ICE1: variants seen among roughly 807,000 people sequenced by gnomAD.
The protein encoded by ICE1 is little elongation complex subunit 1.
In ICE1, 64 loss-of-function variants were observed where a neutral mutation model predicts 192.7. The ratio of observed to expected loss-of-function variants is 0.33; its 90% CI spans 0.27 to 0.41. ICE1 has a LOEUF of 0.41. ICE1 is among the 10% of genes least tolerant of loss of function. ICE1 has a pLI of 1.00. For synonymous variants in ICE1, 1,010 were observed against 984.5 expected (o/e 1.03, Z -0.49); for missense variants, 2,708 against 2,696.0 (o/e 1.00, Z -0.10).
chr5:5,434,267 G>T (rs935992242), intron 1 of ICE1, among the ~76,000 whole-genome samples: 4 of 152,054 alleles, frequency 2.6e-5, no homozygotes, highest in African/African-American at 9.7e-5. Flanking sequence ...TTAAGACAAA[G>T]ACACCTGTTA....
At chr5:5,451,675 T>G (rs1738421078) in intron 10 of ICE1, among the ~76,000 whole-genome samples, 1 of 152,160 alleles carries the variant, frequency 6.6e-6, no homozygotes, top group African/African-American at 2.4e-5. Flanking sequence ...AGGAAGAAAT[T>G]TTTAACAATA....
Position 5,460,624 on chromosome 5 carries a change from T to G in ICE1, c.1290T>G (p.Asn430Lys). The change falls in exon 13 of 19, where the codon AAT (asparagine) becomes AAG (lysine). Residue 430 changes from asparagine to lysine, a missense_variant. This residue lies in a region of ICE1 where 2,366 missense variants were observed against 2,276.6 expected (regional missense o/e 1.04). Coordinates refer to ENST00000296564, the MANE Select transcript of ICE1 (RefSeq NM_015325.3). Reference sequence around the variant, plus strand: ...CACATGAAGCTATCCAAGCTCTGAATACATGGGAAGTAAATAAAGTGACAA... The same window carrying G: ...CACATGAAGCTATCCAAGCTCTGAAGACATGGGAAGTAAATAAAGTGACAA... ...PKSHEAIQALNTWEVNKVTTS... is the reference protein window; with the variant it reads ...PKSHEAIQALKTWEVNKVTTS... The G allele has an allele frequency of 6.2e-7, 1 of 1,613,866 alleles. No individual in the cohort carries two copies. Among genetic ancestry groups the G allele is most frequent in the Non-Finnish European group, 8.5e-7 (1 of 1,179,844 alleles).
chr5:5,450,585 T>C (rs1384780316), intron 10 of ICE1, among the ~76,000 whole-genome samples: 2 of 152,152 alleles, frequency 1.3e-5, no homozygotes, highest in East Asian at 3.9e-4. Context: ...CACCAAGTGT[T>C]GAGCGTGATT....
At chr5:5,455,312 C>T (rs994319695) in intron 11 of ICE1, among the ~76,000 whole-genome samples, 7 of 152,076 alleles carry the variant, frequency 4.6e-5, no homozygotes, top group Non-Finnish European at 1.0e-4. Context: ...CAGAACTTGT[C>T]GAGTGTACGG....
At chr5:5,484,448 A>G (rs1428339504) in intron 17 of ICE1, among the ~76,000 whole-genome samples, 1 of 152,222 alleles carries the variant, frequency 6.6e-6, no homozygotes, top group Non-Finnish European at 1.5e-5. Context: ...ATTGTTCCAG[A>G]GGACAGATCC....
intron 1 of ICE1, 53 bp from the exon 2 acceptor site, chr5:5,436,365 A>T: frequency 9.7e-7 from 1 of 1,029,054 alleles, no homozygotes; most frequent in Non-Finnish European, 1.4e-6. Flanking sequence ...ACAGACAATA[A>T]TTATATTTAA....
Position 5,461,747 on chromosome 5 carries a change from C to CT in ICE1, c.2414dup (p.Arg806GlufsTer7). The CT allele has an allele frequency of 6.2e-7, 1 of 1,613,754 alleles. No individual in the cohort carries two copies. The highest frequency in any genetic ancestry group is 2.2e-5 in the East Asian group (1 of 44,878). On this transcript the variant is annotated frameshift_variant, in exon 13 of 19. Transcript: ENST00000296564. LOFTEE classifies it high-confidence loss of function. ...ATTAAGGAAAGGTGGCGAAGAAAGT[C>CT]TGAGAGCCAAATCAGAACATGAACA...
intron 17 of ICE1, among the ~76,000 whole-genome samples, chr5:5,479,556 CAG>C (rs891815601): frequency 1.4e-4 from 21 of 152,220 alleles, no homozygotes; most frequent in Middle Eastern, 3.4e-3. Context: ...GATCTAGAAA[CAG>C]AAATACCATT....
In ICE1 at chr5:5,480,488, T is replaced by C. The variant is rs2111403631; in HGVS notation, c.6520+4409T>C. 1.3e-5 allele frequency among the ~76,000 whole-genome samples: 2 copies of C among 152,202 alleles called. 1 individual carries two copies. Among genetic ancestry groups the C allele is most frequent in the Middle Eastern group, 6.8e-3 (2 of 294 alleles). On this transcript the variant is annotated intron_variant, in intron 17 of 18. Transcript: ENST00000296564. ...TGGTCTCGATCTCCTGACCTCGTGA[T>C]CCACCCACCTCGGCCTCCCAAAGTG...
Position 5,460,486 on chromosome 5 carries a change from G to C in ICE1, c.1152G>C (p.Gln384His). 1 of 1,611,274 alleles carries C rather than the reference G, an allele frequency of 6.2e-7. No homozygotes were observed. The highest frequency in any genetic ancestry group is 8.5e-7 in the Non-Finnish European group (1 of 1,178,444). Residue 384 changes from glutamine (Q) to histidine (H), a missense_variant, in exon 13 of 19, where the codon CAG becomes CAC. By Grantham distance (24) the Gln-to-His change is conservative. Coordinates refer to ENST00000296564, the MANE Select transcript of ICE1 (RefSeq NM_015325.3). ...YTDSSDNDSV[Q>H]LRNSAECVSE... Reference sequence around the variant, plus strand: ...ATTCCAGCGATAATGACTCAGTCCAGCTTAGAAATTCTGCTGAGTGTGTTT... The same window carrying C: ...ATTCCAGCGATAATGACTCAGTCCACCTTAGAAATTCTGCTGAGTGTGTTT...
intron 17 of ICE1, among the ~76,000 whole-genome samples, chr5:5,479,702 C>T (rs950947018): frequency 6.6e-6 from 1 of 152,182 alleles, no homozygotes; most frequent in Admixed American, 6.5e-5. Context: ...CCCAAGTGTC[C>T]ATCAGTGAGA....
In ICE1 at chr5:5,436,397, CTG is replaced by C. The variant is rs780686527; in HGVS notation, c.85-18_85-17del. 33 of 1,422,958 alleles carry C rather than the reference CTG, an allele frequency of 2.3e-5. No homozygotes were observed. Among genetic ancestry groups the C allele is most frequent in the Middle Eastern group, 3.6e-4 (2 of 5,544 alleles). The allele number at this position is 1,422,958 out of a possible 1,614,324, so 88.1% of individuals were successfully genotyped here. A position where few individuals can be genotyped will look rare whatever the true frequency, so the allele number is the denominator to read the frequency against. On this transcript the variant is annotated intron_variant, in intron 1 of 18. Coordinates refer to ENST00000296564, the MANE Select transcript of ICE1 (RefSeq NM_015325.3). ...TTAAAGTAATTGATAAAAAAGCTGA[CTG>C]TGGCTTTTTTTCTTTCAGAATTTGA...
chr5:5,423,629 T>C (rs973898776), intron 1 of ICE1, among the ~76,000 whole-genome samples: 5 of 152,188 alleles, frequency 3.3e-5, no homozygotes, highest in African/African-American at 9.7e-5. Context: ...GGGCTCTTCT[T>C]TAGAGTGACA....
Position 5,464,790 on chromosome 5 carries a change from A to G in ICE1, c.5456A>G (p.Gln1819Arg), listed in dbSNP as rs1738930460. Residue 1819 changes from glutamine to arginine, a missense_variant, in exon 13 of 19, where the codon CAA (glutamine) becomes CGA (arginine). This residue lies in a region of ICE1 where 2,366 missense variants were observed against 2,276.6 expected (regional missense o/e 1.04). Coordinates refer to ENST00000296564, the MANE Select transcript of ICE1 (RefSeq NM_015325.3). This position sits in a 1 kb window ranked among gnomAD's most constrained non-coding sequence, Gnocchi z 4.0. The part of the protein sequence containing the change: ...TGSSSGGDCN[Q>R]DKSRDLGTQQ... ...AGCAGCTCTGGTGGTGACTGTAACC[A>G]AGACAAGTCAAGAGATTTGGGGACT... 1 of 1,613,746 alleles carries G rather than the reference A, an allele frequency of 6.2e-7. No homozygotes were observed. Among genetic ancestry groups the G allele is most frequent in the Non-Finnish European group, 8.5e-7 (1 of 1,179,790 alleles).
Position 5,447,883 on chromosome 5 carries a change from G to T in ICE1, c.590G>T (p.Gly197Val). Residue 197 changes from glycine to valine, a missense_variant, in exon 10 of 19, where the codon GGA (glycine) becomes GTA (valine). Around this residue, in one of 2 missense-constraint regions of ICE1, gnomAD observed 2,366 missense variants for 2,276.6 expected, o/e 1.04. Coordinates refer to ENST00000296564, the MANE Select transcript of ICE1 (RefSeq NM_015325.3). ...ACACAAATTTCAAGTGATTCATATG[G>T]AAGCATAGATAAAAGTGAGTATATT... Reference protein sequence around the residue: ...IGTQISSDSYGSIDKRKVKLL... With the variant: ...IGTQISSDSYVSIDKRKVKLL... 6.4e-7 allele frequency: 1 copy of T among 1,572,470 alleles called. No homozygotes were observed. The highest frequency in any genetic ancestry group is 1.2e-5 in the South Asian group (1 of 86,110).
chr5:5,483,051 C>T (rs914403809), intron 17 of ICE1, among the ~76,000 whole-genome samples: 4 of 152,046 alleles, frequency 2.6e-5, no homozygotes, highest in Non-Finnish European at 1.5e-5. Flanking sequence ...AGTGCAATGG[C>T]GTGATCTCAG....
chr5:5,485,883 AG>A (rs1739627187), intron 17 of ICE1, among the ~76,000 whole-genome samples: 1 of 152,254 alleles, frequency 6.6e-6, no homozygotes, highest in Non-Finnish European at 1.5e-5. Flanking sequence ...ATTGACCACG[AG>A]GATAAAGTTC....
chr5:5,469,305 C>T (rs1739086115), intron 15 of ICE1, among the ~76,000 whole-genome samples: 1 of 152,134 alleles, frequency 6.6e-6, no homozygotes, highest in African/African-American at 2.4e-5. Context: ...TTTGGTTCTT[C>T]AATAGATACT....
rs1368212750 is a variant in ICE1, at chr5:5,444,274, CA to C, written c.387-13del. Reference sequence around the variant, plus strand: ...TCTCTTTCTTGCCATTTAACTTACACAATTTCGTTATTAGGAAGAAGAAACT... The same window carrying C: ...TCTCTTTCTTGCCATTTAACTTACACATTTCGTTATTAGGAAGAAGAAACT... On this transcript the variant is annotated splice_polypyrimidine_tract_variant and intron_variant, in intron 6 of 18. Transcript: ENST00000296564. 1 of 1,549,380 alleles carries C rather than the reference CA, an allele frequency of 6.5e-7. No individual in the cohort carries two copies.
Sources: gnomAD v4.1 joint callset for allele counts (sites outside exome capture counted in the v4.1 genomes callset) on GRCh38, gnomAD v4.1.1 for gene constraint, gnomAD v4.1.1 regional missense constraint, Gnocchi (gnomAD v3.1) non-coding constraint, MANE v1.5 for transcripts, NCBI Gene and HGNC (gene_info 2026-07-23, HGNC 2026-07-21) for gene names.